BMPR1B: variants seen among roughly 807,000 people sequenced by gnomAD.
The protein encoded by BMPR1B is bone morphogenetic protein receptor type 1B, also known as bone morphogenetic protein receptor type-1B.
Under a neutral mutation model 59.1 loss-of-function variants are expected in BMPR1B, and 12 were observed. That is an observed-to-expected ratio of 0.20 (90% CI 0.13 to 0.33). The LOEUF is 0.33. BMPR1B is among the 10% of genes least tolerant of loss of function. BMPR1B has a pLI of 1.00. For missense variants in BMPR1B, 550 were observed against 610.9 expected, an observed-to-expected ratio of 0.90 and a Z score of 1.05; for synonymous variants, 237 against 207.3, an observed-to-expected ratio of 1.14 and a Z score of -1.23.
At chr4:95,007,978 T>C (rs888792950) in intron 3 of BMPR1B, among the ~76,000 whole-genome samples, 1 of 152,224 alleles carries the variant, frequency 6.6e-6, no homozygotes, top group Non-Finnish European at 1.5e-5. Context: ...GAGAAAAGAA[T>C]TTAATATGAT....
chr4:94,968,348 T>TG (rs1248957734), intron 2 of BMPR1B, among the ~76,000 whole-genome samples: 2 of 107,806 alleles, frequency 1.9e-5, no homozygotes, highest in Non-Finnish European at 2.0e-5. Flanking sequence ...AATAGTTTTT[T>TG]TTGTTGTTGT....
intron 1 of BMPR1B, among the ~76,000 whole-genome samples, chr4:94,793,019 T>C (rs1025001511): frequency 4.6e-5 from 7 of 152,164 alleles, no homozygotes; most frequent in Non-Finnish European, 8.8e-5. Flanking sequence ...TTTTTCTTTT[T>C]TTTTATTATT....
chr4:94,809,807 C>T (rs759434855), intron 1 of BMPR1B, among the ~76,000 whole-genome samples: 7 of 152,242 alleles, frequency 4.6e-5, no homozygotes, highest in Non-Finnish European at 1.5e-5. Flanking sequence ...CAAAGCAAAA[C>T]ATCTATCTGG....
chr4:94,799,855 T>C (rs2110620149), intron 1 of BMPR1B, among the ~76,000 whole-genome samples: 1 of 152,096 alleles, frequency 6.6e-6, no homozygotes, highest in South Asian at 2.1e-4. Flanking sequence ...CACACTCGGC[T>C]AATTTTTGTG....
At chr4:95,126,575 T>C (rs1732920628) in intron 8 of BMPR1B, among the ~76,000 whole-genome samples, 2 of 152,142 alleles carry the variant, frequency 1.3e-5, no homozygotes, top group Non-Finnish European at 2.9e-5. Flanking sequence ...ATAGGTCAGC[T>C]AGCTAGTACG....
chr4:95,146,162 A>G (rs1560691468), intron 10 of BMPR1B, among the ~76,000 whole-genome samples: 1 of 152,194 alleles, frequency 6.6e-6, no homozygotes. Flanking sequence ...ACTAGGGAGA[A>G]GATTTATTCA....
Position 94,832,731 on chromosome 4 carries a change from T to C in BMPR1B, c.-182-43100T>C, listed in dbSNP as rs1010459080. 2.0e-4 allele frequency among the ~76,000 whole-genome samples: 31 copies of C among 152,128 alleles called. 1 individual carries two copies. The highest frequency in any genetic ancestry group is 1.5e-5 in the Non-Finnish European group (1 of 68,018). ...TCAGGAAGCAGAGGTTGCAGTGAGC[T>C]GATGTCGTGCCACTGCACTACAGCC... On this transcript the variant is annotated intron_variant, in intron 1 of 12. Transcript: ENST00000515059.
chr4:95,066,806 C>G (rs368624320), intron 3 of BMPR1B, among the ~76,000 whole-genome samples: 2 of 152,252 alleles, frequency 1.3e-5, no homozygotes, highest in East Asian at 1.9e-4. Context: ...TAACAAGCCC[C>G]TCAGTGATTT....
chr4:94,770,734 T>C (rs1367052819), intron 1 of BMPR1B, among the ~76,000 whole-genome samples: 1 of 152,086 alleles, frequency 6.6e-6, no homozygotes, highest in Non-Finnish European at 1.5e-5. Flanking sequence ...CCAGTAAAAA[T>C]TCATCGAATC....
At chr4:94,805,675 A>G (rs970342914) in intron 1 of BMPR1B, among the ~76,000 whole-genome samples, 1 of 152,134 alleles carries the variant, frequency 6.6e-6, no homozygotes, top group Non-Finnish European at 1.5e-5. Flanking sequence ...TATTTTTCTG[A>G]TGGGGATAGG....
chr4:95,066,597 T>C (rs1293740382), intron 3 of BMPR1B, among the ~76,000 whole-genome samples: 1 of 152,116 alleles, frequency 6.6e-6, no homozygotes, highest in Non-Finnish European at 1.5e-5. Context: ...AGTGAGAAAA[T>C]ATGCAGTGCC....
Position 95,131,136 on chromosome 4 carries a change from A to G in BMPR1B, c.779-79A>G, listed in dbSNP as rs1040816209. On this transcript the variant is annotated intron_variant, in intron 9 of 12. Coordinates refer to ENST00000515059, the MANE Select transcript of BMPR1B (RefSeq NM_001203.3). ...TGCTAAACAAAAATTATCTATGACA[A>G]AGAATGATGTTTGAGAATATGAATT... The G allele has an allele frequency of 4.2e-6, 6 of 1,420,512 alleles. No individual in the cohort carries two copies. The African/African-American group carries it at 8.5e-5, about 20-fold the overall frequency. The allele number at this position is 1,420,512 out of a possible 1,614,324, so 88.0% of individuals were successfully genotyped here.
At chr4:94,776,258 T>C (rs538470764) in intron 1 of BMPR1B, among the ~76,000 whole-genome samples, 2 of 152,242 alleles carry the variant, frequency 1.3e-5, no homozygotes, top group South Asian at 2.1e-4. Context: ...ATATTATCTA[T>C]ACAAAAGAAA....
intron 3 of BMPR1B, among the ~76,000 whole-genome samples, chr4:95,093,832 G>C (rs2865398): frequency 0.94 from 143,141 of 152,060 alleles, 67,448 homozygotes; most frequent in Middle Eastern, 0.99. Context: ...AGAGCCAGCA[G>C]TTATATTTAA....
chr4:95,043,341 T>TA (rs1725807868), intron 3 of BMPR1B, among the ~76,000 whole-genome samples: 1 of 152,094 alleles, frequency 6.6e-6, no homozygotes, highest in African/African-American at 2.4e-5. Flanking sequence ...ATCATGCATA[T>TA]ATAGAGGCAA....
intron 2 of BMPR1B, among the ~76,000 whole-genome samples, chr4:94,983,940 GA>G (rs1434066127): frequency 6.6e-6 from 1 of 152,124 alleles, no homozygotes; most frequent in African/African-American, 2.4e-5. Context: ...AGTGTTTATT[GA>G]ATGAAAGCAT....
At chr4:95,127,743 C>T (rs1477625875) in intron 8 of BMPR1B, among the ~76,000 whole-genome samples, 2 of 152,114 alleles carry the variant, frequency 1.3e-5, no homozygotes, top group East Asian at 3.8e-4. Flanking sequence ...TACACATAAA[C>T]TTGCTTGCTT....
intron 1 of BMPR1B, among the ~76,000 whole-genome samples, chr4:94,869,024 T>C (rs191523445): frequency 2.4e-4 from 37 of 152,030 alleles, no homozygotes; most frequent in Admixed American, 4.6e-4. Context: ...AAAAACTATT[T>C]CTTAAATTTC....
At chr4:94,781,951 C>T (rs1168096860) in intron 1 of BMPR1B, among the ~76,000 whole-genome samples, 2 of 151,940 alleles carry the variant, frequency 1.3e-5, no homozygotes, top group African/African-American at 4.8e-5. Flanking sequence ...AGTATTTTTG[C>T]TATTATGCAA....
Sources: gnomAD v4.1 joint callset for allele counts (sites outside exome capture counted in the v4.1 genomes callset) on GRCh38, gnomAD v4.1.1 for gene constraint, MANE v1.5 for transcripts, NCBI Gene and HGNC (gene_info 2026-07-23, HGNC 2026-07-21) for gene names.